Variants in KDM4B observed in about 807,000 individuals in gnomAD.
KDM4B encodes the protein lysine demethylase 4B, also known as lysine-specific demethylase 4B.
A neutral mutation model predicts 125.2 loss-of-function variants in KDM4B; 32 were observed. That is an observed-to-expected ratio of 0.26 (90% CI 0.19 to 0.34). The LOEUF (loss-of-function observed/expected upper bound fraction) is 0.34, where lower values mean the gene tolerates loss of function less well. KDM4B is among the 10% of genes least tolerant of loss of function. The pLI is 1.00. For missense variants in KDM4B, 1,190 were observed against 1,577.7 expected (o/e 0.75, Z 4.16); for synonymous variants, 721 against 677.9 (o/e 1.06, Z -0.99).
intron 18 of KDM4B, chr19:5,138,440 T>C: frequency 4.6e-6 from 1 of 216,494 alleles, no homozygotes; most frequent in Non-Finnish European, 9.3e-6. Flanking sequence ...TTTGCTGTTT[T>C]TCTAATAATT....
At chr19:5,041,947 C>T (rs1193958321) in intron 5 of KDM4B, among the ~76,000 whole-genome samples, 1 of 152,210 alleles carries the variant, frequency 6.6e-6, no homozygotes, top group Non-Finnish European at 1.5e-5. Context: ...TGGGTTTGCT[C>T]TCTGAGCCGA....
intron 21 of KDM4B, among the ~76,000 whole-genome samples, chr19:5,148,468 C>A (rs1411782520): frequency 6.6e-6 from 1 of 152,240 alleles, no homozygotes; most frequent in Non-Finnish European, 1.5e-5. Flanking sequence ...GAGCCAGTTT[C>A]CACTGAGTTT....
chr19:5,139,535 C>T (rs913774700), intron 18 of KDM4B, among the ~76,000 whole-genome samples: 1 of 152,250 alleles, frequency 6.6e-6, no homozygotes, highest in Admixed American at 6.5e-5. Flanking sequence ...GACTCCCATC[C>T]GCACCCCCCG....
intron 9 of KDM4B, among the ~76,000 whole-genome samples, chr19:5,100,664 C>T (rs900604456): frequency 6.6e-6 from 1 of 152,194 alleles, no homozygotes; most frequent in South Asian, 2.1e-4. Context: ...GATCCTCTCG[C>T]CTCGGCCTCT....
chr19:5,054,845 C>T (rs544020727), intron 6 of KDM4B, among the ~76,000 whole-genome samples: 55 of 152,354 alleles, frequency 3.6e-4, no homozygotes, highest in African/African-American at 1.3e-3. Flanking sequence ...CCCTCATCAT[C>T]GAGCCCTCTG....
chr19:4,996,014 A>G (rs2035188777), intron 1 of KDM4B, among the ~76,000 whole-genome samples: 1 of 151,844 alleles, frequency 6.6e-6, no homozygotes, highest in Non-Finnish European at 1.5e-5. Context: ...CTTTTTAGAC[A>G]GTGTCTCGCT....
Position 5,115,296 on chromosome 19 carries a change from CCAG to C in KDM4B, c.1116-4353_1116-4351del, listed in dbSNP as rs894520608. Among the ~76,000 whole-genome samples, 21 of 152,108 alleles carry C rather than the reference CCAG, an allele frequency of 1.4e-4. No homozygotes were observed. Among genetic ancestry groups the C allele is most frequent in the African/African-American group, 4.1e-4 (17 of 41,422 alleles). Reference sequence around the variant, plus strand: ...GGGTGCTGGGGGGATGTGGGGGCAACCAGCAGAAGACAGTGGGTGGCTCTGGGC... The same window carrying C: ...GGGTGCTGGGGGGATGTGGGGGCAACCAGAAGACAGTGGGTGGCTCTGGGC... On this transcript the variant is annotated intron_variant, in intron 10 of 22. Transcript: ENST00000159111. The surrounding 1 kb of genome is among the most constrained non-coding windows in gnomAD (Gnocchi z 4.2).
chr19:5,026,086 G>A (rs1400335641), intron 2 of KDM4B, among the ~76,000 whole-genome samples: 2 of 151,538 alleles, frequency 1.3e-5, no homozygotes, highest in Admixed American at 1.3e-4. Flanking sequence ...GTTTCACCAT[G>A]TTGGCCATGT....
chr19:5,021,273 C>A (rs1215045374), intron 2 of KDM4B, among the ~76,000 whole-genome samples: 2 of 152,102 alleles, frequency 1.3e-5, no homozygotes, highest in African/African-American at 4.8e-5. Flanking sequence ...AGGAGGGCAT[C>A]TTTTGTTTTT....
rs1055705420 is a variant in KDM4B at position 5,151,641 on chromosome 19, C to T, written c.*130C>T. On this transcript the variant is annotated 3_prime_UTR_variant, in exon 23 of 23. Transcript: ENST00000159111. Reference sequence around the variant, plus strand: ...AGGCCACCTCCAAGCCGCGGGTGCCCCCTAGGGCGACAGGAGCCAGCGGGA... The same window carrying T: ...AGGCCACCTCCAAGCCGCGGGTGCCTCCTAGGGCGACAGGAGCCAGCGGGA... 45 of 827,470 alleles carry T rather than the reference C, an allele frequency of 5.4e-5. No homozygotes were observed. The African/African-American group carries it at 6.2e-4, about 11-fold the overall frequency. The allele number at this position is 827,470 out of a possible 1,614,324, so 51.3% of individuals were successfully genotyped here.
chr19:4,999,840 C>T (rs1251694529), intron 1 of KDM4B, among the ~76,000 whole-genome samples: 1 of 141,668 alleles, frequency 7.1e-6, no homozygotes, highest in Admixed American at 7.2e-5. Context: ...CACCGACCCA[C>T]CCACCTATCC....
In KDM4B at chr19:5,127,821, G is replaced by A. The variant is rs540146641; in HGVS notation, c.1316-3255G>A. On this transcript the variant is annotated intron_variant, in intron 11 of 22. Transcript: ENST00000159111. ...AGCTCCCCACCCAGCCTTGCCTCCC[G>A]AGCAGAACCAGGGCCTGGGGCGGTC... is the stretch of plus-strand genomic sequence containing the variant. Among the ~76,000 whole-genome samples the A allele has an allele frequency of 4.6e-5, 7 of 152,274 alleles. No homozygotes were observed. In the East Asian group the frequency reaches 1.2e-3, roughly 25 times the overall value.
chr19:4,990,485 A>G (rs2034996778), intron 1 of KDM4B, among the ~76,000 whole-genome samples: 1 of 152,184 alleles, frequency 6.6e-6, no homozygotes, highest in South Asian at 2.1e-4. Context: ...CTGAGTCTGA[A>G]GGCAGCGTGG....
At chr19:4,975,257 G>A (rs910777568) in intron 1 of KDM4B, among the ~76,000 whole-genome samples, 5 of 152,170 alleles carry the variant, frequency 3.3e-5, no homozygotes, top group South Asian at 2.1e-4. Context: ...GAAAGCTCCC[G>A]TGGGCGAGTG....
At chr19:5,063,979 T>TG (rs2037686729) in intron 6 of KDM4B, among the ~76,000 whole-genome samples, 1 of 152,142 alleles carries the variant, frequency 6.6e-6, no homozygotes, top group Non-Finnish European at 1.5e-5. Flanking sequence ...AGCTCTCTGT[T>TG]GGGTCTCGCA....
At chr19:4,981,457 G>C (rs1043936311) in intron 1 of KDM4B, among the ~76,000 whole-genome samples, 1 of 152,156 alleles carries the variant, frequency 6.6e-6, no homozygotes, top group Non-Finnish European at 1.5e-5. Context: ...TGCTCCCTGG[G>C]TCACTTCCCT....
At chr19:5,077,634 C>T (rs2038159534) in intron 8 of KDM4B, 164 bp downstream of exon 8, 1 of 600,268 alleles carries the variant, frequency 1.7e-6, no homozygotes, top group Non-Finnish European at 2.9e-6. Context: ...AGTTAGCCTC[C>T]AGCTCTTCCA....
intron 2 of KDM4B, among the ~76,000 whole-genome samples, chr19:5,027,289 G>T (rs924750605): frequency 1.3e-5 from 2 of 152,228 alleles, no homozygotes; most frequent in Non-Finnish European, 2.9e-5. Flanking sequence ...GGAAGGATGT[G>T]TCTCTCTGTG....
chr19:5,144,273 T>C lies in KDM4B; in HGVS notation c.2762T>C (p.Leu921Pro). 1 of 1,597,696 alleles carries C rather than the reference T, an allele frequency of 6.3e-7. No homozygotes were observed. The highest frequency in any genetic ancestry group is 8.5e-7 in the Non-Finnish European group (1 of 1,172,902). The change falls in exon 20 of 23, where the codon CTA becomes CCA. Residue 921 changes from leucine to proline, a missense_variant. Physicochemically the swap from Leu to Pro is moderately conservative, Grantham distance 98 (BLOSUM62 -3). Around this residue, in one of 7 missense-constraint regions of KDM4B, gnomAD observed 298 missense variants for 439.7 expected, o/e 0.68. Transcript: ENST00000159111. ...HAVQLLRAVS[L>P]GQVVITKNRN... Reference sequence around the variant, plus strand: ...GTCCAACTCCTGAGGGCCGTGTCCCTAGGCCAGGTGGTCATCACCAAGAAC... The same window carrying C: ...GTCCAACTCCTGAGGGCCGTGTCCCCAGGCCAGGTGGTCATCACCAAGAAC...
Sources: allele counts gnomAD v4.1 joint callset (sites outside exome capture counted in the v4.1 genomes callset), GRCh38; gene constraint gnomAD v4.1.1; regional missense constraint gnomAD v4.1.1; non-coding constraint Gnocchi (gnomAD v3.1); transcripts MANE v1.5; gene names NCBI Gene and HGNC (gene_info 2026-07-23, HGNC 2026-07-21).